The following CORIN variants were observed in gnomAD, a reference collection of about 807,000 sequenced individuals.
CORIN encodes the protein atrial natriuretic peptide-converting enzyme.
A neutral mutation model predicts 125.3 loss-of-function variants in CORIN; 117 were observed. The observed-to-expected ratio is 0.93, with a 90% confidence interval of 0.80 to 1.09. The LOEUF (loss-of-function observed/expected upper bound fraction) is 1.09, where lower values mean the gene tolerates loss of function less well. Among genes scored for constraint, CORIN ranks in the 50% least tolerant of loss-of-function variants. The probability of loss-of-function intolerance (pLI) is 0.00; values close to 1 mark genes in which losing one functional copy is unlikely to be tolerated. For synonymous variants in CORIN, 450 were observed against 466.4 expected (o/e 0.96, Z 0.45); for missense variants, 1,253 against 1,306.7 (o/e 0.96, Z 0.63).
At chr4:47,756,271 A>G (rs1729142876) in intron 4 of CORIN, among the ~76,000 whole-genome samples, 1 of 152,216 alleles carries the variant, frequency 6.6e-6, no homozygotes, top group Admixed American at 6.5e-5. Context: ...GGTCAGTGCA[A>G]CTGGAGCCAG....
chr4:47,747,051 T>C (rs1349396015), intron 4 of CORIN, among the ~76,000 whole-genome samples: 1 of 152,072 alleles, frequency 6.6e-6, no homozygotes, highest in Non-Finnish European at 1.5e-5. Context: ...GTCGTTGGTG[T>C]TCCTCCTTTG....
At chr4:47,655,163 G>A (rs1723915838) in intron 12 of CORIN, among the ~76,000 whole-genome samples, 1 of 151,414 alleles carries the variant, frequency 6.6e-6, no homozygotes, top group Admixed American at 6.6e-5. Flanking sequence ...TGAATAATCA[G>A]TAGCAGTACT....
chr4:47,698,286 ACCC>A (rs1476757546), intron 5 of CORIN, among the ~76,000 whole-genome samples: 1 of 151,786 alleles, frequency 6.6e-6, no homozygotes, highest in Non-Finnish European at 1.5e-5. Flanking sequence ...TAATATTGGC[ACCC>A]AATATTAATT....
intron 1 of CORIN, among the ~76,000 whole-genome samples, chr4:47,836,524 TTAAAA>T (rs1733424550): frequency 6.6e-6 from 1 of 152,142 alleles, no homozygotes; most frequent in East Asian, 1.9e-4. Flanking sequence ...AAATAAAAAG[TTAAAA>T]TAAAAACTAG....
At chr4:47,710,823 A>G (rs1726807056) in intron 5 of CORIN, among the ~76,000 whole-genome samples, 2 of 152,256 alleles carry the variant, frequency 1.3e-5, no homozygotes, top group South Asian at 4.1e-4. Context: ...CCCCTGATGC[A>G]CACGCTATAC....
chr4:47,747,742 T>C (rs1176273819), intron 4 of CORIN, among the ~76,000 whole-genome samples: 1 of 152,212 alleles, frequency 6.6e-6, no homozygotes, highest in East Asian at 1.9e-4. Flanking sequence ...ACTCCTCCAC[T>C]GTTGAATCTT....
chr4:47,711,963 C>G (rs574970245), intron 5 of CORIN, among the ~76,000 whole-genome samples: 2 of 152,198 alleles, frequency 1.3e-5, no homozygotes, highest in Non-Finnish European at 2.9e-5. Context: ...AACATTGCTA[C>G]TACGAGAAAG....
intron 16 of CORIN, among the ~76,000 whole-genome samples, chr4:47,630,663 G>C (rs903101604): frequency 1.3e-5 from 2 of 152,206 alleles, no homozygotes; most frequent in Non-Finnish European, 2.9e-5. Context: ...TATAAATCAA[G>C]TTATCAAGCT....
intron 16 of CORIN, among the ~76,000 whole-genome samples, chr4:47,629,161 G>GA (rs1560479657): frequency 6.6e-6 from 1 of 152,224 alleles, no homozygotes; most frequent in East Asian, 1.9e-4. Flanking sequence ...TTTCTACCAA[G>GA]AATATATAGG....
At chr4:47,637,765 C>A (rs1317808575) in intron 16 of CORIN, among the ~76,000 whole-genome samples, 2 of 152,192 alleles carry the variant, frequency 1.3e-5, no homozygotes, top group African/African-American at 2.4e-5. Context: ...TCATGGAGAA[C>A]CTCTGCTAGG....
At chr4:47,794,328 T>G (rs1374690019) in intron 2 of CORIN, among the ~76,000 whole-genome samples, 1 of 152,208 alleles carries the variant, frequency 6.6e-6, no homozygotes, top group Non-Finnish European at 1.5e-5. Context: ...CTAGCATTTT[T>G]GAGGAGAAAG....
intron 5 of CORIN, among the ~76,000 whole-genome samples, chr4:47,742,639 T>C (rs1728460975): frequency 1.3e-5 from 2 of 152,184 alleles, no homozygotes; most frequent in South Asian, 4.1e-4. Flanking sequence ...ATAATTGTTA[T>C]GGTTGGAAGA....
intron 3 of CORIN, among the ~76,000 whole-genome samples, chr4:47,772,030 G>C (rs140548669): frequency 6.6e-6 from 1 of 152,072 alleles, no homozygotes; most frequent in African/African-American, 2.4e-5. Context: ...AATGCACCCC[G>C]ATTCTCTTGG....
At chr4:47,724,542 T>A (rs956077548) in intron 5 of CORIN, among the ~76,000 whole-genome samples, 7 of 152,176 alleles carry the variant, frequency 4.6e-5, no homozygotes, top group Non-Finnish European at 4.4e-5. Flanking sequence ...CCTAAATCTT[T>A]GGAATTTTTT....
chr4:47,752,737 T>C (rs918001458), intron 4 of CORIN, among the ~76,000 whole-genome samples: 2 of 152,076 alleles, frequency 1.3e-5, no homozygotes, highest in Admixed American at 6.5e-5. Context: ...GCATAAATAA[T>C]GTAAAAATGA....
intron 1 of CORIN, among the ~76,000 whole-genome samples, chr4:47,813,722 A>G (rs1446071697): frequency 6.6e-6 from 1 of 152,186 alleles, no homozygotes; most frequent in Non-Finnish European, 1.5e-5. Context: ...TTAAATACCA[A>G]AATGTTCTTA....
At chr4:47,822,464 C>T (rs1211383584) in intron 1 of CORIN, among the ~76,000 whole-genome samples, 1 of 152,194 alleles carries the variant, frequency 6.6e-6, no homozygotes, top group Non-Finnish European at 1.5e-5. Flanking sequence ...ACCCCTTCTA[C>T]CAAAAGGATC....
chr4:47,714,698 G>A (rs767880597), intron 5 of CORIN, among the ~76,000 whole-genome samples: 10 of 152,222 alleles, frequency 6.6e-5, no homozygotes, highest in Non-Finnish European at 1.0e-4. Flanking sequence ...AAGAGAATGA[G>A]TGTGGTTGTG....
In CORIN at chr4:47,678,439, A is replaced by G. The variant is rs141062968; in HGVS notation, c.1133-385T>C. 7.9e-5 allele frequency among the ~76,000 whole-genome samples: 12 copies of G among 152,340 alleles called. No homozygotes were observed. In the East Asian group the frequency reaches 2.3e-3, roughly 29 times the overall value. On this transcript the variant is annotated intron_variant, in intron 8 of 21. Coordinates refer to ENST00000273857, the MANE Select transcript of CORIN (RefSeq NM_006587.4). Reference sequence around the variant, plus strand: ...TCTTTGTTTTACAGATGAGAAACTAAAGTTTACAGAGCATAGTACTTGCTC... The same window carrying G: ...TCTTTGTTTTACAGATGAGAAACTAGAGTTTACAGAGCATAGTACTTGCTC...
Sources: allele counts gnomAD v4.1 joint callset (sites outside exome capture counted in the v4.1 genomes callset), GRCh38; gene constraint gnomAD v4.1.1; transcripts MANE v1.5; gene names NCBI Gene and HGNC (gene_info 2026-07-23, HGNC 2026-07-21).